Variants in PARD3B observed in about 807,000 individuals in gnomAD.
PARD3B encodes the protein par-3 family cell polarity regulator beta, also known as partitioning defective 3 homolog B.
PARD3B carries 103 observed loss-of-function variants against 130.2 expected under a neutral mutation model. The observed-to-expected ratio is 0.79, with a 90% confidence interval of 0.67 to 0.93. PARD3B has a LOEUF of 0.93. Ranked by LOEUF, PARD3B falls within the 40% of genes least tolerant of loss-of-function variation. PARD3B has a pLI of 0.00. For missense variants in PARD3B, 1,609 were observed against 1,499.2 expected (o/e 1.07, Z -1.21); for synonymous variants, 583 against 553.2 (o/e 1.05, Z -0.76).
chr2:205,582,825 A>G (rs1191967961), intron 22 of PARD3B, among the ~76,000 whole-genome samples: 4 of 152,104 alleles, frequency 2.6e-5, no homozygotes, highest in Non-Finnish European at 4.4e-5. Context: ...TCCCTTGCCA[A>G]CTGATGCAGG....
At chr2:205,581,347 G>A (rs992477217) in intron 22 of PARD3B, among the ~76,000 whole-genome samples, 15 of 145,198 alleles carry the variant, frequency 1.0e-4, no homozygotes, top group African/African-American at 3.6e-4. Flanking sequence ...ATACGTGTGT[G>A]TGTGTACGTG....
chr2:204,984,003 A>T (rs1198600983), intron 3 of PARD3B, among the ~76,000 whole-genome samples: 1 of 152,074 alleles, frequency 6.6e-6, no homozygotes, highest in Non-Finnish European at 1.5e-5. Context: ...AAAGAAAAAA[A>T]AATATGCATT....
rs190368490 is a variant in PARD3B, at chr2:204,578,352, T to A, written c.120+32233T>A. Among the ~76,000 whole-genome samples the A allele has an allele frequency of 2.0e-4, 30 of 152,294 alleles. No individual in the cohort carries two copies. The East Asian group carries it at 5.8e-3, about 29-fold the overall frequency. Reference sequence around the variant, plus strand: ...TTGCGTGGACTCACAGGATCACAAATTCCAAACTTAAGGACCTTTCATCTT... The same window carrying A: ...TTGCGTGGACTCACAGGATCACAAAATCCAAACTTAAGGACCTTTCATCTT... On this transcript the variant is annotated intron_variant, in intron 1 of 22. Coordinates refer to ENST00000406610, the MANE Select transcript of PARD3B (RefSeq NM_001302769.2).
At chr2:205,354,011 T>C (rs2044088124) in intron 18 of PARD3B, among the ~76,000 whole-genome samples, 1 of 74,990 alleles carries the variant, frequency 1.3e-5, no homozygotes, top group Non-Finnish European at 3.9e-5. Flanking sequence ...CTTCTTTCTT[T>C]TTTCTTTTCT....
At chr2:205,383,124 ATAG>A in intron 18 of PARD3B, among the ~76,000 whole-genome samples, 1 of 151,186 alleles carries the variant, frequency 6.6e-6, no homozygotes, top group African/African-American at 2.4e-5. Context: ...AGATAGATAG[ATAG>A]ATAGATAGAT....
rs191230048 is a variant in PARD3B at position 204,865,308 on chromosome 2, A to G, written c.223-99844A>G. Among the ~76,000 whole-genome samples, 747 of 152,362 alleles carry G rather than the reference A, an allele frequency of 4.9e-3. 5 individuals are homozygous for G. Among genetic ancestry groups the G allele is most frequent in the Non-Finnish European group, 7.9e-3 (537 of 68,038 alleles). ...GAAAAGAAGTCATTATACAAAAAAGATACTTGCACACACATTTATAGCAGC... is the reference window on the plus strand; with the variant it reads ...GAAAAGAAGTCATTATACAAAAAAGGTACTTGCACACACATTTATAGCAGC... On this transcript the variant is annotated intron_variant, in intron 2 of 22. Transcript: ENST00000406610.
chr2:204,609,319 C>T (rs758382398), intron 1 of PARD3B, among the ~76,000 whole-genome samples: 7 of 152,206 alleles, frequency 4.6e-5, no homozygotes, highest in South Asian at 2.1e-4. Context: ...CTAAAGGAGA[C>T]ACCAAACTCT....
chr2:205,280,215 C>T lies in PARD3B; in HGVS notation c.2186-20315C>T, dbSNP rs78250722. ...ACAGTCACTACTCCTTTTTCCCGTG[C>T]ATGAACTTTGGAACAGAAAAATAAC... On this transcript the variant is annotated intron_variant, in intron 16 of 22. Coordinates refer to ENST00000406610, the MANE Select transcript of PARD3B (RefSeq NM_001302769.2). This position sits in a 1 kb window ranked among gnomAD's most constrained non-coding sequence, Gnocchi z 4.7. Among the ~76,000 whole-genome samples the T allele has an allele frequency of 0.016, 2,420 of 152,172 alleles. 62 individuals carry two copies. Among genetic ancestry groups the T allele is most frequent in the African/African-American group, 0.055 (2,263 of 41,506 alleles).
At chr2:205,103,741 A>G (rs1575791614) in intron 4 of PARD3B, 7 of 985,418 alleles carry the variant, frequency 7.1e-6, no homozygotes, top group Non-Finnish European at 8.4e-6. Context: ...CGTGCTTTCT[A>G]GAATCCATCC....
At chr2:205,143,881 G>A (rs2033159915) in intron 10 of PARD3B, among the ~76,000 whole-genome samples, 1 of 152,178 alleles carries the variant, frequency 6.6e-6, no homozygotes, top group African/African-American at 2.4e-5. Context: ...TGATACCTAA[G>A]AGAAGGGAAA....
chr2:204,658,428 G>A (rs765593028), intron 1 of PARD3B, among the ~76,000 whole-genome samples: 18 of 152,140 alleles, frequency 1.2e-4, no homozygotes, highest in Non-Finnish European at 2.5e-4. Flanking sequence ...TGTTAAAAAC[G>A]TCTCTTGGTC....
At chr2:204,667,249 G>A (rs950099866) in intron 1 of PARD3B, among the ~76,000 whole-genome samples, 1 of 152,158 alleles carries the variant, frequency 6.6e-6, no homozygotes, top group African/African-American at 2.4e-5. Flanking sequence ...GTTCATTACT[G>A]TAACTGCAGC....
chr2:204,884,540 C>T (rs2125677081), intron 2 of PARD3B, among the ~76,000 whole-genome samples: 1 of 152,196 alleles, frequency 6.6e-6, no homozygotes, highest in Non-Finnish European at 1.5e-5. Flanking sequence ...TGGTTTGCTG[C>T]ACAGATCAAC....
chr2:205,613,909 T>A (rs1461869819), intron 22 of PARD3B, among the ~76,000 whole-genome samples: 1 of 152,230 alleles, frequency 6.6e-6, no homozygotes, highest in Non-Finnish European at 1.5e-5. Context: ...CAGTGCTTGA[T>A]TAACCACAGA....
At chr2:205,335,746 A>G (rs2105789943) in intron 18 of PARD3B, among the ~76,000 whole-genome samples, 1 of 152,282 alleles carries the variant, frequency 6.6e-6, no homozygotes, top group East Asian at 1.9e-4. Flanking sequence ...TACATGGATG[A>G]CAGGAGGCAA....
intron 2 of PARD3B, among the ~76,000 whole-genome samples, chr2:204,762,116 ATTTTTT>A (rs968166780): frequency 4.9e-4 from 47 of 95,388 alleles, no homozygotes; most frequent in African/African-American, 1.3e-3. Flanking sequence ...TTCTTTTTCT[ATTTTTT>A]TTTTTTTTTT....
chr2:204,687,956 C>A (rs192033170), intron 2 of PARD3B, among the ~76,000 whole-genome samples: 52 of 152,200 alleles, frequency 3.4e-4, no homozygotes, highest in Non-Finnish European at 1.0e-4. Context: ...ATAATTTGTC[C>A]CATAGAGCTC....
At chr2:205,140,213 G>A (rs1029451455) in intron 10 of PARD3B, among the ~76,000 whole-genome samples, 53 of 152,280 alleles carry the variant, frequency 3.5e-4, no homozygotes, top group African/African-American at 1.2e-3. Context: ...CCTGGCTTCC[G>A]CTGGAGCTAA....
intron 2 of PARD3B, among the ~76,000 whole-genome samples, chr2:204,763,196 T>C (rs544088559): frequency 6.6e-6 from 1 of 152,338 alleles, no homozygotes; most frequent in South Asian, 2.1e-4. Flanking sequence ...ACAGCATGGA[T>C]TGTTAACTGC....
Sources: gnomAD v4.1 joint callset for allele counts (sites outside exome capture counted in the v4.1 genomes callset) on GRCh38, gnomAD v4.1.1 for gene constraint, Gnocchi (gnomAD v3.1) non-coding constraint, MANE v1.5 for transcripts, NCBI Gene and HGNC (gene_info 2026-07-23, HGNC 2026-07-21) for gene names.